CRACR2A: variants seen among roughly 807,000 people sequenced by gnomAD.
The protein encoded by CRACR2A is calcium release activated channel regulator 2A, also known as EF-hand calcium-binding domain-containing protein 4B.
CRACR2A carries 79 observed loss-of-function variants against 90.5 expected under a neutral mutation model. The ratio of observed to expected loss-of-function variants is 0.87; its 90% CI spans 0.73 to 1.05. The LOEUF (loss-of-function observed/expected upper bound fraction) is 1.05, where lower values mean the gene tolerates loss of function less well. Ranked by LOEUF, CRACR2A falls within the 50% of genes least tolerant of loss-of-function variation. The probability of loss-of-function intolerance (pLI) is 0.00; values close to 1 mark genes in which losing one functional copy is unlikely to be tolerated. For synonymous variants in CRACR2A, 338 were observed against 356.7 expected, an observed-to-expected ratio of 0.95 and a Z score of 0.59; for missense variants, 823 against 897.2, an observed-to-expected ratio of 0.92 and a Z score of 1.06.
rs548464447 is a variant in CRACR2A, at chr12:3,737,554, G to T, written c.-386-4344C>A. Among the ~76,000 whole-genome samples, 3 of 152,320 alleles carry T rather than the reference G, an allele frequency of 2.0e-5. No individual in the cohort carries two copies. The East Asian group carries it at 5.8e-4, about 29-fold the overall frequency. On this transcript the variant is annotated intron_variant, in intron 1 of 19. Coordinates refer to ENST00000440314, the MANE Select transcript of CRACR2A (RefSeq NM_001144958.2). ...ATATGGAGTGGATACATGGAGGCTG[G>T]TTGGGGGAATCACTACAGCCCAGGC...
At chr12:3,700,857 T>C (rs373718058) in intron 3 of CRACR2A, among the ~76,000 whole-genome samples, 8 of 152,338 alleles carry the variant, frequency 5.3e-5, no homozygotes, top group East Asian at 1.9e-4. Context: ...ATCAACCATC[T>C]TGACTTAATT....
chr12:3,653,482 T>C (rs1944838312), intron 10 of CRACR2A, among the ~76,000 whole-genome samples: 1 of 152,180 alleles, frequency 6.6e-6, no homozygotes, highest in Admixed American at 6.5e-5. Flanking sequence ...TAAAACCTAA[T>C]ACTCCCAAGA....
At chr12:3,718,980 G>C (rs973892017) in intron 2 of CRACR2A, among the ~76,000 whole-genome samples, 48 of 152,308 alleles carry the variant, frequency 3.2e-4, no homozygotes, top group African/African-American at 1.1e-3. Context: ...AATAACACAG[G>C]CTCCTTTCCA....
At chr12:3,617,075 G>A (rs867842228) in intron 18 of CRACR2A, 45 bp from the exon 19 acceptor site, 3 of 1,426,898 alleles carry the variant, frequency 2.1e-6, no homozygotes, top group East Asian at 2.5e-5. Context: ...TGGAGTGAGA[G>A]GGGATTGTGG....
chr12:3,644,138 T>C (rs1416693464), intron 12 of CRACR2A, among the ~76,000 whole-genome samples: 1 of 148,062 alleles, frequency 6.8e-6, no homozygotes. Context: ...CCCTATAGGA[T>C]AGAGAAAAAT....
intron 4 of CRACR2A, among the ~76,000 whole-genome samples, chr12:3,682,877 G>T (rs1247153579): frequency 6.6e-6 from 1 of 151,756 alleles, no homozygotes; most frequent in South Asian, 2.1e-4. Context: ...CCGCCTCCCG[G>T]GTTCAAGTGA....
intron 6 of CRACR2A, among the ~76,000 whole-genome samples, chr12:3,673,809 C>G (rs992820866): frequency 3.3e-5 from 5 of 152,184 alleles, no homozygotes; most frequent in Non-Finnish European, 7.3e-5. Context: ...GCAGGAGCTG[C>G]AATTACCCCA....
intron 1 of CRACR2A, among the ~76,000 whole-genome samples, chr12:3,743,553 G>T (rs934589660): frequency 6.6e-6 from 1 of 152,114 alleles, no homozygotes; most frequent in Non-Finnish European, 1.5e-5. Flanking sequence ...AGGTGTCCAC[G>T]GTGCAGGTGT....
chr12:3,632,654 G>A (rs1299054913), intron 15 of CRACR2A, among the ~76,000 whole-genome samples: 1 of 152,190 alleles, frequency 6.6e-6, no homozygotes, highest in Non-Finnish European at 1.5e-5. Context: ...CCAACCAACT[G>A]AAGGGAATGT....
chr12:3,698,360 T>G (rs1945777824), intron 3 of CRACR2A, among the ~76,000 whole-genome samples: 1 of 152,148 alleles, frequency 6.6e-6, no homozygotes. Flanking sequence ...GGAAAAGAAG[T>G]GAATCACCAG....
chr12:3,659,771 T>G, intron 7 of CRACR2A, 117 bp from the exon 8 acceptor site: 1 of 781,322 alleles, frequency 1.3e-6, no homozygotes, highest in Non-Finnish European at 2.2e-6. Flanking sequence ...GGTGACAGCA[T>G]AGGTCAGGTC....
At chr12:3,687,469 T>G (rs142340519) in intron 4 of CRACR2A, among the ~76,000 whole-genome samples, 1 of 152,308 alleles carries the variant, frequency 6.6e-6, no homozygotes, top group East Asian at 1.9e-4. Flanking sequence ...TGTTCCTGAA[T>G]TAGTTTGCTA....
chr12:3,622,630 A>ATG (rs141796637), intron 17 of CRACR2A, among the ~76,000 whole-genome samples: 11,328 of 150,464 alleles, frequency 0.075, 430 homozygotes, highest in Middle Eastern at 0.13. Flanking sequence ...GCCTATGTGC[A>ATG]TGTGTGTGTG....
chr12:3,710,659 G>A (rs890193118), intron 3 of CRACR2A, among the ~76,000 whole-genome samples: 37 of 152,228 alleles, frequency 2.4e-4, no homozygotes, highest in Admixed American at 1.4e-3. Flanking sequence ...TGGGCATAGT[G>A]ATGCGTGCCT....
chr12:3,723,601 C>A (rs941675278), intron 2 of CRACR2A, among the ~76,000 whole-genome samples: 2 of 151,982 alleles, frequency 1.3e-5, no homozygotes, highest in Non-Finnish European at 2.9e-5. Flanking sequence ...TGAGACTTAG[C>A]AACTCCAGCC....
At chr12:3,723,475 C>T (rs1000221973) in intron 2 of CRACR2A, among the ~76,000 whole-genome samples, 1 of 152,098 alleles carries the variant, frequency 6.6e-6, no homozygotes, top group African/African-American at 2.4e-5. Context: ...TGTGTGTTTG[C>T]ATTCAAAATA....
intron 3 of CRACR2A, among the ~76,000 whole-genome samples, chr12:3,704,412 T>TG (rs1198308860): frequency 2.0e-5 from 3 of 152,132 alleles, no homozygotes; most frequent in Non-Finnish European, 4.4e-5. Flanking sequence ...CAGGAAATTT[T>TG]GGGGGGTGTG....
chr12:3,666,364 T>TGTGTGTGTGTGTGCGCGC (rs765943563), intron 7 of CRACR2A, among the ~76,000 whole-genome samples: 8 of 149,496 alleles, frequency 5.4e-5, no homozygotes, highest in African/African-American at 2.0e-4. Context: ...TGCGTGCGTG[T>TGTGTGTGTGTGTGCGCGC]GCGCGTGCGC....
intron 2 of CRACR2A, among the ~76,000 whole-genome samples, chr12:3,720,405 G>A (rs1946145382): frequency 1.6e-5 from 1 of 63,812 alleles, no homozygotes. Flanking sequence ...GAGGGACGGA[G>A]TGAGAGAGAG....
Sources: allele counts gnomAD v4.1 joint callset (sites outside exome capture counted in the v4.1 genomes callset), GRCh38; gene constraint gnomAD v4.1.1; transcripts MANE v1.5; gene names NCBI Gene and HGNC (gene_info 2026-07-23, HGNC 2026-07-21).